Variants in SLC44A5 observed in about 807,000 individuals in gnomAD.
SLC44A5 encodes solute carrier family 44 member 5.
In SLC44A5, 57 loss-of-function variants were observed where a neutral mutation model predicts 101.8. The observed-to-expected ratio is 0.56, with a 90% CI of 0.45 to 0.70. SLC44A5 has a LOEUF of 0.70. Ranked by LOEUF, SLC44A5 falls within the 30% of genes least tolerant of loss-of-function variation. The pLI, the probability that SLC44A5 is intolerant of heterozygous loss-of-function variation, is 0.00. For synonymous variants in SLC44A5, 281 were observed against 290.9 expected, an observed-to-expected ratio of 0.97 and a Z score of 0.35; for missense variants, 737 against 853.1, an observed-to-expected ratio of 0.86 and a Z score of 1.70.
intron 1 of SLC44A5, among the ~76,000 whole-genome samples, chr1:75,590,684 G>C (rs1674298212): frequency 6.6e-6 from 1 of 152,200 alleles, no homozygotes; most frequent in Non-Finnish European, 1.5e-5. Context: ...TCATGGCCAG[G>C]GGTGGTGGTG....
chr1:75,478,657 G>T (rs970199738), intron 2 of SLC44A5, among the ~76,000 whole-genome samples: 1 of 152,126 alleles, frequency 6.6e-6, no homozygotes, highest in Middle Eastern at 3.4e-3. Context: ...GACAAAGAAG[G>T]CCATTACATA....
the SLC44A5 span, among the ~76,000 whole-genome samples, chr1:75,623,610 A>G: frequency 1.3e-5 from 2 of 152,140 alleles, no homozygotes; most frequent in Non-Finnish European, 2.9e-5. Flanking sequence ...AAAATGGACC[A>G]TCTTGGACAC....
At chr1:75,665,395 A>AG in the SLC44A5 span, among the ~76,000 whole-genome samples, 4 of 152,124 alleles carry the variant, frequency 2.6e-5, no homozygotes, top group Non-Finnish European at 5.9e-5. Context: ...TTAACTGTCC[A>AG]GCCATATGCA....
the SLC44A5 span, among the ~76,000 whole-genome samples, chr1:75,649,165 G>A: frequency 1.3e-5 from 2 of 152,108 alleles, no homozygotes; most frequent in Admixed American, 1.3e-4. Flanking sequence ...CGACACAAAG[G>A]GAGAAGCATC....
chr1:75,700,659 A>T, the SLC44A5 span, among the ~76,000 whole-genome samples: 196 of 152,354 alleles, frequency 1.3e-3, 8 homozygotes, highest in East Asian at 0.034. Context: ...CTAAGATCAG[A>T]GGAGAACTGA....
chr1:75,639,475 C>T, the SLC44A5 span, among the ~76,000 whole-genome samples: 1 of 152,204 alleles, frequency 6.6e-6, no homozygotes, highest in Admixed American at 6.6e-5. Flanking sequence ...AAACTCAGCT[C>T]AGTTTCTAGC....
intron 23 of SLC44A5, among the ~76,000 whole-genome samples, chr1:75,208,652 A>G (rs937962409): frequency 3.3e-5 from 5 of 152,156 alleles, no homozygotes; most frequent in Non-Finnish European, 5.9e-5. Flanking sequence ...GTTTGGTACT[A>G]TTAGAGAATT....
At chr1:75,266,135 A>G (rs909626572) in intron 6 of SLC44A5, among the ~76,000 whole-genome samples, 28 of 152,168 alleles carry the variant, frequency 1.8e-4, no homozygotes, top group African/African-American at 6.7e-4. Context: ...CAAATATCAC[A>G]CCACCTCTAA....
intron 1 of SLC44A5, among the ~76,000 whole-genome samples, chr1:75,608,848 C>A (rs2102177494): frequency 6.6e-6 from 1 of 151,978 alleles, no homozygotes; most frequent in African/African-American, 2.4e-5. Context: ...AGCTGGCCCA[C>A]CATCATCCCA....
intron 2 of SLC44A5, among the ~76,000 whole-genome samples, chr1:75,490,979 T>C (rs1253938105): frequency 6.6e-6 from 1 of 152,140 alleles, no homozygotes; most frequent in Non-Finnish European, 1.5e-5. Context: ...TTGCTTCATA[T>C]CAAATTTCCT....
chr1:75,274,971 C>T lies in SLC44A5; in HGVS notation c.247G>A (p.Gly83Ser), dbSNP rs1255733448. The change falls in exon 6 of 24, where the codon GGC becomes AGC. Residue 83 changes from glycine to serine, a missense_variant. Transcript: ENST00000370859. ...GGCCATACTCACTCATTGGGAGTGC[C>T]CTTCTGGCCACAAAAGTGGCCCTGG... ...DSQGHFCGQKGTPNENKTILF... is the reference protein window; with the variant it reads ...DSQGHFCGQKSTPNENKTILF... The T allele has an allele frequency of 6.2e-7, 1 of 1,612,292 alleles. No individual in the cohort carries two copies. Among genetic ancestry groups the T allele is most frequent in the African/African-American group, 1.3e-5 (1 of 74,834 alleles).
intron 3 of SLC44A5, among the ~76,000 whole-genome samples, chr1:75,340,658 G>A (rs1393995299): frequency 7.9e-5 from 12 of 152,196 alleles, no homozygotes; most frequent in Non-Finnish European, 1.5e-5. Flanking sequence ...TAGGTCTTTA[G>A]TAGTGACATT....
intron 4 of SLC44A5, among the ~76,000 whole-genome samples, chr1:75,318,369 TTGAAAGAAAGAAAGAA>T (rs1655862232): frequency 1.7e-5 from 2 of 118,234 alleles, no homozygotes; most frequent in African/African-American, 3.3e-5. Context: ...ATCCCATCTC[TTGAAAGAAAGAAAGAA>T]AGAAAGAAAG....
the SLC44A5 span, chr1:75,677,915 C>G: frequency 0.31 from 74,009 of 237,478 alleles, 13,363 homozygotes; most frequent in East Asian, 0.68. Flanking sequence ...GCACCGTGCA[C>G]GAGCCGAAGC....
chr1:75,662,556 A>G, the SLC44A5 span, among the ~76,000 whole-genome samples: 1 of 152,246 alleles, frequency 6.6e-6, no homozygotes, highest in East Asian at 1.9e-4. Flanking sequence ...GAAGTGATAG[A>G]TATCCCAATT....
At chr1:75,270,972 T>G (rs1570529722) in intron 6 of SLC44A5, among the ~76,000 whole-genome samples, 1 of 152,174 alleles carries the variant, frequency 6.6e-6, no homozygotes, top group Middle Eastern at 3.4e-3. Flanking sequence ...GATTGAGAGA[T>G]TTGTATGGTT....
At chr1:75,682,304 C>T in the SLC44A5 span, among the ~76,000 whole-genome samples, 1 of 152,060 alleles carries the variant, frequency 6.6e-6, no homozygotes, top group Non-Finnish European at 1.5e-5. Flanking sequence ...CAAGTCAATC[C>T]TCAGCCAAAA....
intron 1 of SLC44A5, among the ~76,000 whole-genome samples, chr1:75,546,086 T>C (rs576405776): frequency 6.6e-6 from 1 of 152,276 alleles, no homozygotes; most frequent in East Asian, 1.9e-4. Context: ...CTTCCCAAAG[T>C]GCTGGGGTTA....
At chr1:75,330,488 G>T (rs965149230) in intron 4 of SLC44A5, among the ~76,000 whole-genome samples, 5 of 151,948 alleles carry the variant, frequency 3.3e-5, no homozygotes, top group African/African-American at 1.2e-4. Flanking sequence ...TGCAACTATG[G>T]TTCAAAGTCC....
Sources: gnomAD v4.1 joint callset for allele counts (sites outside exome capture counted in the v4.1 genomes callset) on GRCh38, gnomAD v4.1.1 for gene constraint, MANE v1.5 for transcripts, NCBI Gene and HGNC (gene_info 2026-07-23, HGNC 2026-07-21) for gene names.